The following PIP4K2A variants were observed in gnomAD, a reference collection of about 807,000 sequenced individuals.
The protein encoded by PIP4K2A is phosphatidylinositol-5-phosphate 4-kinase type 2 alpha.
A neutral mutation model predicts 42.9 loss-of-function variants in PIP4K2A; 14 were observed. That is an observed-to-expected ratio of 0.33 (90% CI 0.22 to 0.51). PIP4K2A has a LOEUF of 0.51. Ranked by LOEUF, PIP4K2A falls within the 20% of genes least tolerant of loss-of-function variation. The probability of loss-of-function intolerance (pLI) is 0.97; values close to 1 mark genes in which losing one functional copy is unlikely to be tolerated. For synonymous variants in PIP4K2A, 192 were observed against 192.2 expected (o/e 1.00, Z 0.01); for missense variants, 434 against 519.8 (o/e 0.83, Z 1.61).
intron 1 of PIP4K2A, among the ~76,000 whole-genome samples, chr10:22,649,055 T>C (rs1838941121): frequency 6.6e-6 from 1 of 152,220 alleles, no homozygotes; most frequent in African/African-American, 2.4e-5. Flanking sequence ...ACTGGAATAT[T>C]TTCACTAATA....
chr10:22,713,501 G>C (rs910100141), intron 1 of PIP4K2A, among the ~76,000 whole-genome samples: 4 of 152,218 alleles, frequency 2.6e-5, no homozygotes, highest in African/African-American at 9.7e-5. Flanking sequence ...AGCCCGCACA[G>C]CGGCAGGGCG....
intron 3 of PIP4K2A, among the ~76,000 whole-genome samples, chr10:22,601,164 CAAA>C (rs1297021305): frequency 1.7e-5 from 1 of 57,678 alleles, no homozygotes; most frequent in Admixed American, 3.0e-4. Flanking sequence ...AAAAAAAAAA[CAAA>C]CCAGGAACAT....
rs57671642 is a variant in PIP4K2A at position 22,627,591 on chromosome 10, T to TAAAAAAAAAAAAAAAAAAAAAA, written c.145-17896_145-17875dup. 1.8e-3 allele frequency among the ~76,000 whole-genome samples: 104 copies of TAAAAAAAAAAAAAAAAAAAAAA among 57,028 alleles called. 12 individuals are homozygous for TAAAAAAAAAAAAAAAAAAAAAA. The highest frequency in any genetic ancestry group is 5.8e-3 in the East Asian group (6 of 1,042). The allele number at this position is 57,028 out of a possible 152,430, so 37.4% of individuals were successfully genotyped here. ...TGTTTAACCAAAAGCTAATATGTAA[T>TAAAAAAAAAAAAAAAAAAAAAA]AAAAAAAAAAAAAAAAAAAAAAAAA... On this transcript the variant is annotated intron_variant, in intron 1 of 9. Coordinates refer to ENST00000376573, the MANE Select transcript of PIP4K2A (RefSeq NM_005028.5).
intron 1 of PIP4K2A, among the ~76,000 whole-genome samples, chr10:22,690,350 C>T (rs921892833): frequency 5.9e-5 from 9 of 152,154 alleles, no homozygotes; most frequent in Admixed American, 4.6e-4. Flanking sequence ...TGAACTCAGG[C>T]ACTATGCTAC....
Position 22,542,026 on chromosome 10 carries a change from T to C in PIP4K2A, c.814A>G (p.Met272Val). 1 of 1,611,108 alleles carries C rather than the reference T, an allele frequency of 6.2e-7. No individual in the cohort carries two copies. The highest frequency in any genetic ancestry group is 1.3e-5 in the African/African-American group (1 of 74,960). Residue 272 changes from methionine to valine, a missense_variant, in exon 8 of 10, where the codon ATG becomes GTG. This residue lies in a region of PIP4K2A where 395 missense variants were observed against 444.5 expected (regional missense o/e 0.89). Coordinates refer to ENST00000376573, the MANE Select transcript of PIP4K2A (RefSeq NM_005028.5). Reference sequence around the variant, plus strand: ...ATTCCCACCAGCAGACTGTAGTCCATGAGCTTCAGCTGGGCCAGAAACTGG... The same window carrying C: ...ATTCCCACCAGCAGACTGTAGTCCACGAGCTTCAGCTGGGCCAGAAACTGG... ...DVEFLAQLKL[M>V]DYSLLVGIHD...
rs146745792 is a variant in PIP4K2A at position 22,654,293 on chromosome 10, A to C, written c.145-44576T>G. Among the ~76,000 whole-genome samples the C allele has an allele frequency of 1.7e-3, 261 of 152,350 alleles. 2 individuals are homozygous for C. Among genetic ancestry groups the C allele is most frequent in the African/African-American group, 6.1e-3 (253 of 41,590 alleles). Reference sequence around the variant, plus strand: ...GGTGAGCTGGACACTCACTCAGATTAAACTTCCCCCTAGCAGAAATATCCA... The same window carrying C: ...GGTGAGCTGGACACTCACTCAGATTCAACTTCCCCCTAGCAGAAATATCCA... On this transcript the variant is annotated intron_variant, in intron 1 of 9. Coordinates refer to ENST00000376573, the MANE Select transcript of PIP4K2A (RefSeq NM_005028.5).
chr10:22,597,423 T>C (rs1564436239), intron 3 of PIP4K2A, among the ~76,000 whole-genome samples: 1 of 152,166 alleles, frequency 6.6e-6, no homozygotes, highest in Non-Finnish European at 1.5e-5. Context: ...TCATGTCTAT[T>C]TAAATTAGTT....
chr10:22,579,875 C>T (rs565047135), intron 4 of PIP4K2A, among the ~76,000 whole-genome samples: 3 of 149,580 alleles, frequency 2.0e-5, no homozygotes, highest in South Asian at 2.1e-4. Context: ...TGCCACTGCA[C>T]TCCAGCCTAG....
At chr10:22,551,814 C>T (rs756491885) in intron 6 of PIP4K2A, among the ~76,000 whole-genome samples, 1 of 152,224 alleles carries the variant, frequency 6.6e-6, no homozygotes, top group South Asian at 2.1e-4. Flanking sequence ...TTCCTGGCTC[C>T]GGCACTGTTC....
At chr10:22,658,651 C>T (rs921801176) in intron 1 of PIP4K2A, among the ~76,000 whole-genome samples, 8 of 152,156 alleles carry the variant, frequency 5.3e-5, no homozygotes, top group Non-Finnish European at 1.5e-5. Context: ...TTCATCAATC[C>T]AGTGGGATCA....
At chr10:22,639,937 A>G (rs1838743824) in intron 1 of PIP4K2A, among the ~76,000 whole-genome samples, 1 of 151,918 alleles carries the variant, frequency 6.6e-6, no homozygotes, top group Non-Finnish European at 1.5e-5. Context: ...CCAGATATCA[A>G]TTTGCAAACT....
intron 1 of PIP4K2A, among the ~76,000 whole-genome samples, chr10:22,680,291 A>G (rs1839633855): frequency 6.6e-6 from 1 of 152,218 alleles, no homozygotes; most frequent in Non-Finnish European, 1.5e-5. Flanking sequence ...TTATAAAACA[A>G]GAATATATTT....
chr10:22,574,616 C>T (rs1197217165), intron 4 of PIP4K2A, among the ~76,000 whole-genome samples: 1 of 152,006 alleles, frequency 6.6e-6, no homozygotes, highest in Admixed American at 6.6e-5. Flanking sequence ...AGCATTGGTA[C>T]TTGATTCTGA....
intron 1 of PIP4K2A, 37 bp from the exon 2 acceptor site, chr10:22,609,754 T>C: frequency 8.0e-7 from 1 of 1,249,178 alleles, no homozygotes; most frequent in Non-Finnish European, 1.2e-6. Context: ...GGGTTATTAC[T>C]ATCCAGGTGA....
At chr10:22,610,858 C>T (rs2765998) in intron 1 of PIP4K2A, among the ~76,000 whole-genome samples, 86,156 of 152,060 alleles carry the variant, frequency 0.57, 25,653 homozygotes, top group East Asian at 0.87. Flanking sequence ...AAATGATCTC[C>T]GGAGGAGAGC....
In PIP4K2A at chr10:22,580,635, CTG is replaced by C. The variant is rs1837251453; in HGVS notation, c.493-7180_493-7179del. Reference sequence around the variant, plus strand: ...CTATCTATTACCCTTTTGTAAAACACTGTTGGCTCAACCACAAGACAATCTGA... The same window carrying C: ...CTATCTATTACCCTTTTGTAAAACACTTGGCTCAACCACAAGACAATCTGA... On this transcript the variant is annotated intron_variant, in intron 4 of 9. Transcript: ENST00000376573. Among the ~76,000 whole-genome samples the C allele has an allele frequency of 4.7e-5, 7 of 149,712 alleles. No individual in the cohort carries two copies. In the South Asian group the frequency reaches 1.4e-3, roughly 31 times the overall value.
chr10:22,612,676 A>G (rs1417802405), intron 1 of PIP4K2A, among the ~76,000 whole-genome samples: 1 of 152,198 alleles, frequency 6.6e-6, no homozygotes, highest in East Asian at 1.9e-4. Flanking sequence ...TGATGATGAC[A>G]GACTAGAAAT....
At chr10:22,713,874 G>T (rs1003174808) in intron 1 of PIP4K2A, 13 of 210,800 alleles carry the variant, frequency 6.2e-5, no homozygotes, top group African/African-American at 9.2e-5. Context: ...CAGGCTGCGG[G>T]GACCGACCTG....
chr10:22,543,608 C>T (rs1283712593), intron 7 of PIP4K2A, among the ~76,000 whole-genome samples: 1 of 152,224 alleles, frequency 6.6e-6, no homozygotes, highest in African/African-American at 2.4e-5. Context: ...TCCACTTGCA[C>T]CTCTCTCTGC....
Sources: gnomAD v4.1 joint callset for allele counts (sites outside exome capture counted in the v4.1 genomes callset) on GRCh38, gnomAD v4.1.1 for gene constraint, gnomAD v4.1.1 regional missense constraint, MANE v1.5 for transcripts, NCBI Gene and HGNC (gene_info 2026-07-23, HGNC 2026-07-21) for gene names.